The following DSCAM variants were observed in gnomAD, a reference collection of about 807,000 sequenced individuals.
The protein encoded by DSCAM is cell adhesion molecule DSCAM.
A neutral mutation model predicts 217.7 loss-of-function variants in DSCAM; 47 were observed. That is an observed-to-expected ratio of 0.22 (90% confidence interval 0.17 to 0.28). DSCAM has a LOEUF of 0.28. Ranked by LOEUF, DSCAM falls within the 10% of genes least tolerant of loss-of-function variation. DSCAM has a pLI of 1.00. For synonymous variants in DSCAM, 1,056 were observed against 1,015.3 expected (o/e 1.04, Z -0.76); for missense variants, 2,080 against 2,618.3 (o/e 0.79, Z 4.49).
intron 19 of DSCAM, among the ~76,000 whole-genome samples, chr21:40,130,102 C>T (rs1328341334): frequency 6.6e-6 from 1 of 152,184 alleles, no homozygotes; most frequent in Non-Finnish European, 1.5e-5. Context: ...TCTATTGATA[C>T]ATATGCAAAG....
intron 3 of DSCAM, among the ~76,000 whole-genome samples, chr21:40,659,455 C>T (rs976993190): frequency 6.6e-6 from 1 of 151,922 alleles, no homozygotes; most frequent in African/African-American, 2.4e-5. Context: ...ATTCTGTTTT[C>T]TGTTTATTAT....
intron 3 of DSCAM, among the ~76,000 whole-genome samples, chr21:40,645,080 T>G (rs553192733): frequency 1.6e-3 from 249 of 152,322 alleles, no homozygotes; most frequent in Middle Eastern, 3.4e-3. Context: ...TAGGACACTT[T>G]CCTAGCACAG....
intron 16 of DSCAM, among the ~76,000 whole-genome samples, chr21:40,146,489 G>A (rs1051766597): frequency 1.5e-4 from 23 of 152,154 alleles, no homozygotes; most frequent in African/African-American, 5.6e-4. Context: ...AAACACTTAT[G>A]GATTGCCTAA....
At chr21:40,316,084 A>C (rs1316229933) in intron 8 of DSCAM, among the ~76,000 whole-genome samples, 1 of 152,218 alleles carries the variant, frequency 6.6e-6, no homozygotes, top group Non-Finnish European at 1.5e-5. Flanking sequence ...TTAACATATT[A>C]AATAAAAAGA....
chr21:40,179,184 C>CAAAAAAAAGAAAAAAAAAAA (rs2090770284), intron 14 of DSCAM, 90 bp from the exon 15 acceptor site: 1 of 100,436 alleles, frequency 1.0e-5, no homozygotes, highest in Non-Finnish European at 1.8e-5. Flanking sequence ...AATTAAAAAC[C>CAAAAAAAAGAAAAAAAAAAA]AAAAAAAAAA....
chr21:40,549,776 A>C (rs1166872078), intron 3 of DSCAM, among the ~76,000 whole-genome samples: 1 of 152,218 alleles, frequency 6.6e-6, no homozygotes, highest in Non-Finnish European at 1.5e-5. Context: ...AACAGGGAGA[A>C]GGGCTGTGGT....
chr21:40,832,477 G>T (rs747809608), intron 1 of DSCAM, among the ~76,000 whole-genome samples: 2 of 152,124 alleles, frequency 1.3e-5, no homozygotes, highest in African/African-American at 2.4e-5. Flanking sequence ...ATTCGAAGGG[G>T]TATGTGACAA....
intron 3 of DSCAM, among the ~76,000 whole-genome samples, chr21:40,489,991 G>C (rs1309299385): frequency 6.6e-6 from 1 of 152,110 alleles, no homozygotes; most frequent in Non-Finnish European, 1.5e-5. Context: ...ATAAAGGCAA[G>C]AGGTTTAACT....
At chr21:40,717,171 C>T (rs991860237) in intron 1 of DSCAM, among the ~76,000 whole-genome samples, 4 of 152,230 alleles carry the variant, frequency 2.6e-5, no homozygotes, top group African/African-American at 2.4e-5. Flanking sequence ...CTTGGAAACA[C>T]TCTTCAGCAC....
intron 11 of DSCAM, among the ~76,000 whole-genome samples, chr21:40,256,981 G>A (rs1908614506): frequency 6.6e-6 from 1 of 152,180 alleles, no homozygotes; most frequent in African/African-American, 2.4e-5. Context: ...GAAAAGCAAA[G>A]TCCTTTGGTG....
chr21:40,768,684 G>T (rs909372712), intron 1 of DSCAM, among the ~76,000 whole-genome samples: 1 of 152,182 alleles, frequency 6.6e-6, no homozygotes, highest in Non-Finnish European at 1.5e-5. Flanking sequence ...TCCATCTGTT[G>T]TAAGGAGCAC....
chr21:40,502,409 A>G (rs943293697), intron 3 of DSCAM, among the ~76,000 whole-genome samples: 25 of 152,324 alleles, frequency 1.6e-4, no homozygotes, highest in African/African-American at 5.5e-4. Context: ...TTGATGACAT[A>G]AAAGAATACC....
At chr21:40,512,263 T>G (rs2076265427) in intron 3 of DSCAM, among the ~76,000 whole-genome samples, 3 of 152,132 alleles carry the variant, frequency 2.0e-5, no homozygotes, top group Admixed American at 6.6e-5. Context: ...GAGTCTATTT[T>G]CTTTCATATC....
At chr21:40,054,440 G>A (rs1238444475) in intron 29 of DSCAM, among the ~76,000 whole-genome samples, 2 of 152,190 alleles carry the variant, frequency 1.3e-5, no homozygotes, top group African/African-American at 2.4e-5. Context: ...TCCAGTGGTG[G>A]GTGGGGCAGC....
At chr21:40,101,185 C>T (rs1385369887) in intron 20 of DSCAM, among the ~76,000 whole-genome samples, 1 of 152,146 alleles carries the variant, frequency 6.6e-6, no homozygotes, top group Non-Finnish European at 1.5e-5. Context: ...AATTATTTTG[C>T]ATCTGTCATA....
intron 1 of DSCAM, among the ~76,000 whole-genome samples, chr21:40,815,481 A>G (rs1015704896): frequency 2.6e-5 from 4 of 152,196 alleles, no homozygotes; most frequent in African/African-American, 9.7e-5. Context: ...TGGACAAATT[A>G]AAAGACAAAA....
intron 3 of DSCAM, among the ~76,000 whole-genome samples, chr21:40,688,522 A>G (rs2090507254): frequency 1.3e-5 from 2 of 152,346 alleles, no homozygotes; most frequent in Admixed American, 1.3e-4. Context: ...ATTGCAGCTT[A>G]GGATAAGTGA....
rs551526226 is a variant in DSCAM at position 40,836,660 on chromosome 21, C to T, written c.43+9959G>A. 7.6e-4 allele frequency among the ~76,000 whole-genome samples: 116 copies of T among 152,304 alleles called. 1 individual carries two copies. In the South Asian group the frequency reaches 8.7e-3, roughly 11 times the overall value. ...AGCTACTGTTTGGGTAGCTTCTTTG[C>T]AAGTGTGTGTTTTGCAAAGGTGAAT... On this transcript the variant is annotated intron_variant, in intron 1 of 32. Transcript: ENST00000400454.
In DSCAM at chr21:40,802,346, G is replaced by A. The variant is rs111424689; in HGVS notation, c.43+44273C>T. 4.9e-3 allele frequency among the ~76,000 whole-genome samples: 749 copies of A among 152,278 alleles called. 5 individuals are homozygous for A. Among genetic ancestry groups the A allele is most frequent in the Admixed American group, 0.017 (260 of 15,296 alleles). ...TAGGTACCTTGAAAGTAGACAACCC[G>A]TTTTGATTTCACAGACTCACAGATG... On this transcript the variant is annotated intron_variant, in intron 1 of 32. Coordinates refer to ENST00000400454, the MANE Select transcript of DSCAM (RefSeq NM_001389.5).
Sources: allele counts gnomAD v4.1 joint callset (sites outside exome capture counted in the v4.1 genomes callset), GRCh38; gene constraint gnomAD v4.1.1; transcripts MANE v1.5; gene names NCBI Gene and HGNC (gene_info 2026-07-23, HGNC 2026-07-21).